CYB5R3: variants seen among roughly 807,000 people sequenced by gnomAD.
The protein encoded by CYB5R3 is NADH-cytochrome b5 reductase 3.
A neutral mutation model predicts 36.5 loss-of-function variants in CYB5R3; 28 were observed. The observed-to-expected ratio is 0.77, with a 90% CI of 0.57 to 1.05. CYB5R3 has a LOEUF of 1.05. Among genes scored for constraint, CYB5R3 ranks in the 50% least tolerant of loss-of-function variants. The pLI, the probability that CYB5R3 is intolerant of heterozygous loss-of-function variation, is 0.00. For synonymous variants in CYB5R3, 181 were observed against 159.8 expected (o/e 1.13, Z -1.00); for missense variants, 474 against 408.9 (o/e 1.16, Z -1.37).
chr22:42,624,378 T>C (rs1358787094), intron 7 of CYB5R3, among the ~76,000 whole-genome samples: 1 of 152,082 alleles, frequency 6.6e-6, no homozygotes. Flanking sequence ...AGGTTGTACC[T>C]CCAGAAACCA....
At chr22:42,640,438 G>C (rs1364653192) in intron 1 of CYB5R3, 1 of 462,308 alleles carries the variant, frequency 2.2e-6, no homozygotes, top group Non-Finnish European at 3.2e-6. Flanking sequence ...GAGTACAGTG[G>C]TGTGATCTTG....
chr22:42,649,301 G>T lies in CYB5R3; in HGVS notation c.15C>A (p.Leu5=). 1 of 1,026,642 alleles carries T rather than the reference G, an allele frequency of 9.7e-7. No homozygotes were observed. The highest frequency in any genetic ancestry group is 3.8e-5 in the South Asian group (1 of 26,078). 63.6% of individuals were successfully genotyped at this position (1,026,642 alleles called of 1,614,324 possible). ...GCGCCCCCTCCCCGCCTACCGTGCT[G>T]AGCTGGGCCCCCATGGTGGCCCCGC... is the stretch of plus-strand genomic sequence containing the variant. MGAQ[L]STLGHMVLFP... The change falls in exon 1 of 9, where the codon CTC becomes CTA. Residue 5 remains leucine, a synonymous_variant. Coordinates refer to ENST00000352397, the MANE Select transcript of CYB5R3 (RefSeq NM_000398.7).
At chr22:42,642,738 A>T (rs1929346336) in intron 1 of CYB5R3, among the ~76,000 whole-genome samples, 1 of 152,236 alleles carries the variant, frequency 6.6e-6, no homozygotes. Context: ...TCGCCCGGCC[A>T]GTAATTTGAA....
chr22:42,644,535 A>G, intron 1 of CYB5R3: 1 of 1,472,722 alleles, frequency 6.8e-7, no homozygotes, highest in Non-Finnish European at 9.2e-7. Context: ...TCAAACATCA[A>G]ATCTTCCCTG....
At chr22:42,634,688 C>T (rs1235957079) in intron 2 of CYB5R3, among the ~76,000 whole-genome samples, 2 of 136,068 alleles carry the variant, frequency 1.5e-5, no homozygotes, top group African/African-American at 2.8e-5. Context: ...TGCAGTGGCA[C>T]GATCTCGGCT....
At chr22:42,624,181 A>G (rs1928141203) in intron 7 of CYB5R3, among the ~76,000 whole-genome samples, 1 of 152,220 alleles carries the variant, frequency 6.6e-6, no homozygotes, top group Non-Finnish European at 1.5e-5. Flanking sequence ...GGAAAAATGG[A>G]AAAAACTAAA....
At chr22:42,639,454 C>T (rs563786738) in intron 1 of CYB5R3, among the ~76,000 whole-genome samples, 20 of 152,002 alleles carry the variant, frequency 1.3e-4, no homozygotes, top group Non-Finnish European at 2.2e-4. Context: ...ATGGAAAAAC[C>T]GCGTCTCTAC....
chr22:42,627,589 G>C lies in CYB5R3; in HGVS notation c.547+16C>G, dbSNP rs749032745. On this transcript the variant is annotated intron_variant, in intron 6 of 8. Coordinates refer to ENST00000352397, the MANE Select transcript of CYB5R3 (RefSeq NM_000398.7). ...AACATGAGCCGCCGGACGCCTCAGT[G>C]GGGGGTTCCGTGTACCTGTCCCTCC... is the stretch of plus-strand genomic sequence containing the variant. 3 of 1,609,354 alleles carry C rather than the reference G, an allele frequency of 1.9e-6. No homozygotes were observed. The highest frequency in any genetic ancestry group is 2.7e-5 in the African/African-American group (2 of 74,816).
Position 42,619,476 on chromosome 22 carries a change from A to T in CYB5R3, c.*297T>A, listed in dbSNP as rs1278095208. On this transcript the variant is annotated 3_prime_UTR_variant, in exon 9 of 9. Transcript: ENST00000352397. ...GGCTGCTGGCAGCCCTCAGCCTTAT[A>T]GTGTGTGTGGGGGGTGGACGAGGGG... is the stretch of plus-strand genomic sequence containing the variant. The T allele has an allele frequency of 1.5e-5, 7 of 464,928 alleles. No homozygotes were observed. Among genetic ancestry groups the T allele is most frequent in the African/African-American group, 1.4e-4 (7 of 51,034 alleles). The allele number at this position is 464,928 out of a possible 1,614,324, so 28.8% of individuals were successfully genotyped here. A position where few individuals can be genotyped will look rare whatever the true frequency, so the allele number is the denominator to read the frequency against.
At chr22:42,641,121 C>T (rs988938242) in intron 1 of CYB5R3, among the ~76,000 whole-genome samples, 1 of 152,198 alleles carries the variant, frequency 6.6e-6, no homozygotes, top group African/African-American at 2.4e-5. Context: ...TCCCAAAGTG[C>T]TGGGGTTACA....
chr22:42,638,545 A>G (rs1212572304), intron 1 of CYB5R3, among the ~76,000 whole-genome samples: 8 of 148,352 alleles, frequency 5.4e-5, no homozygotes, highest in Non-Finnish European at 8.9e-5. Context: ...CTCTGTTGAA[A>G]AAAAAAAAAA....
In CYB5R3 at chr22:42,628,260, G is replaced by A; in HGVS notation, c.355C>T (p.Pro119Ser). Residue 119 changes from proline (P) to serine (S), a missense_variant, in exon 5 of 9, where the codon CCC (proline) becomes TCC (serine). Physicochemically the swap from Pro to Ser is moderately conservative, Grantham distance 74. Transcript: ENST00000352397. ...ATCTTCCCTCCAGCGGGAAACTTGG[G>A]ATGGGTGTCCTTGAAGTAAACCTGC... ...VIKVYFKDTH[P>S]KFPAGGKMSQ... The A allele has an allele frequency of 6.2e-7, 1 of 1,614,054 alleles. No homozygotes were observed. The highest frequency in any genetic ancestry group is 8.5e-7 in the Non-Finnish European group (1 of 1,179,962).
chr22:42,621,423 G>C (rs963658485), intron 8 of CYB5R3, among the ~76,000 whole-genome samples: 1 of 152,132 alleles, frequency 6.6e-6, no homozygotes, highest in Non-Finnish European at 1.5e-5. Context: ...GTGGCTCTGT[G>C]GGGGAAATAC....
Position 42,640,274 on chromosome 22 carries a change from T to TGGTTCTG in CYB5R3, c.22-3435_22-3429dup, listed in dbSNP as rs758450219. ...ACAAGGTTACGGACAAATGGAGCCA[T>TGGTTCTG]GGTTCTGGGATGGAAAGTCCATCAT... is the stretch of plus-strand genomic sequence containing the variant. On this transcript the variant is annotated intron_variant, in intron 1 of 8. Transcript: ENST00000352397. 9.6e-6 allele frequency: 15 copies of TGGTTCTG among 1,556,934 alleles called. No individual in the cohort carries two copies. In the South Asian group the frequency reaches 1.8e-4, roughly 18 times the overall value.
rs139885016 is a variant in CYB5R3, at chr22:42,631,409, C to T, written c.195G>A (p.Pro65=). 47 of 1,551,592 alleles carry T rather than the reference C, an allele frequency of 3.0e-5. 1 individual carries two copies. In the African/African-American group the frequency reaches 3.7e-4, roughly 12 times the overall value. ...GGAGGCCCAGGATGTGCTGGGGTGA[C>T]GGCAGGGCAAAGCGGAAGCGCCGGG... ...HDTRRFRFAL[P]SPQHILGLPV... The change falls in exon 3 of 9, where the codon CCG becomes CCA. Residue 65 remains proline, a synonymous_variant. Transcript: ENST00000352397.
rs966270643 is a variant in CYB5R3 at position 42,627,194 on chromosome 22, T to C, written c.633+110A>G. The stretch of plus-strand genomic sequence containing the variant: ...CATTCAGGGCCCCCCATCCCGGTCA[T>C]CCCCAGAATCTCAGCAGAGCTGTGC... On this transcript the variant is annotated intron_variant, in intron 7 of 8. Transcript: ENST00000352397. 42 of 932,096 alleles carry C rather than the reference T, an allele frequency of 4.5e-5. No homozygotes were observed. In the Admixed American group the frequency reaches 8.3e-4, roughly 18 times the overall value. The allele number at this position is 932,096 out of a possible 1,614,324, so 57.7% of individuals were successfully genotyped here. A position where few individuals can be genotyped will look rare whatever the true frequency, so the allele number is the denominator to read the frequency against.
chr22:42,631,479 G>C, intron 2 of CYB5R3, 29 bp from the exon 3 acceptor site: 1 of 1,550,442 alleles, frequency 6.4e-7, no homozygotes, highest in South Asian at 1.2e-5. Flanking sequence ...CTGCTGAACG[G>C]TCCCCAGGGC....
intron 1 of CYB5R3, chr22:42,646,977 TC>T: frequency 3.0e-6 from 3 of 985,404 alleles, no homozygotes; most frequent in Non-Finnish European, 3.6e-6. Context: ...TCCAATGTTT[TC>T]CCAGTGTGGC....
At chr22:42,631,595 G>A (rs912215740) in intron 2 of CYB5R3, 145 bp from the exon 3 acceptor site, 11 of 749,664 alleles carry the variant, frequency 1.5e-5, no homozygotes, top group Admixed American at 4.1e-5. Context: ...ACGTGACGCC[G>A]ACGCCAAGCA....
Sources: allele counts gnomAD v4.1 joint callset (sites outside exome capture counted in the v4.1 genomes callset), GRCh38; gene constraint gnomAD v4.1.1; transcripts MANE v1.5; gene names NCBI Gene and HGNC (gene_info 2026-07-23, HGNC 2026-07-21).